Variants in SLC2A13 observed in about 807,000 individuals in gnomAD.
SLC2A13 encodes the protein proton myo-inositol cotransporter.
In SLC2A13, 32 loss-of-function variants were observed where a neutral mutation model predicts 64.4. The ratio of observed to expected loss-of-function variants is 0.50; its 90% confidence interval spans 0.37 to 0.67. The LOEUF (loss-of-function observed/expected upper bound fraction) is 0.67, where lower values mean the gene tolerates loss of function less well. Among genes scored for constraint, SLC2A13 ranks in the 30% least tolerant of loss-of-function variants. SLC2A13 has a pLI of 0.00. For synonymous variants in SLC2A13, 338 were observed against 327.1 expected (o/e 1.03, Z -0.36); for missense variants, 743 against 829.2 (o/e 0.90, Z 1.28).
Position 39,779,572 on chromosome 12 carries a change from T to G in SLC2A13, c.1446-14714A>C, listed in dbSNP as rs1287576123. 7.9e-5 allele frequency among the ~76,000 whole-genome samples: 12 copies of G among 152,200 alleles called. No individual in the cohort carries two copies. The East Asian group carries it at 2.1e-3, about 27-fold the overall frequency. On this transcript the variant is annotated intron_variant, in intron 7 of 9. Transcript: ENST00000280871. The stretch of plus-strand genomic sequence containing the variant: ...TAAATGTAAATGTTAATTAAAAAAA[T>G]TAAAACACTTTTTTTGCTTCCCATT...
chr12:39,955,434 G>A (rs12296462), intron 3 of SLC2A13, among the ~76,000 whole-genome samples: 8,453 of 151,988 alleles, frequency 0.056, 384 homozygotes, highest in African/African-American at 0.12. Flanking sequence ...GTATGCACAC[G>A]CTAAAAGTAT....
At position 39,910,159 on chromosome 12, in the gene SLC2A13, A is replaced by G. The variant is rs555472344; in HGVS notation, c.1035-38198T>C. Among the ~76,000 whole-genome samples, 4 of 152,202 alleles carry G rather than the reference A, an allele frequency of 2.6e-5. No homozygotes were observed. In the South Asian group the frequency reaches 8.3e-4, roughly 32 times the overall value. On this transcript the variant is annotated intron_variant, in intron 4 of 9. Transcript: ENST00000280871. The stretch of plus-strand genomic sequence containing the variant: ...ATGTACAAACACATTTCCATCTTGA[A>G]TAATCAAATGAAGCACAAACACCCT...
intron 3 of SLC2A13, among the ~76,000 whole-genome samples, chr12:39,963,763 A>C (rs1245072745): frequency 6.6e-6 from 1 of 152,222 alleles, no homozygotes; most frequent in Non-Finnish European, 1.5e-5. Flanking sequence ...TTTAAGTTTT[A>C]TATGGATATT....
In SLC2A13 at chr12:39,764,388, T is replaced by A. The variant is rs1592113191; in HGVS notation, c.1720+72A>T. On this transcript the variant is annotated intron_variant, in intron 9 of 9. Coordinates refer to ENST00000280871, the MANE Select transcript of SLC2A13 (RefSeq NM_052885.4). ...ATAACCACATAGTCTCAATCACAAA[T>A]GATATTATAGTGTATCTAAAAATAG... 66 of 1,293,244 alleles carry A rather than the reference T, an allele frequency of 5.1e-5. No individual in the cohort carries two copies. The East Asian group carries it at 1.7e-3, about 34-fold the overall frequency. The allele number at this position is 1,293,244 out of a possible 1,614,324, so 80.1% of individuals were successfully genotyped here.
At chr12:39,925,753 CT>C (rs1012693809) in intron 4 of SLC2A13, among the ~76,000 whole-genome samples, 2 of 152,138 alleles carry the variant, frequency 1.3e-5, no homozygotes, top group Non-Finnish European at 2.9e-5. Flanking sequence ...ATCACTGCCA[CT>C]TTATTTTCAT....
intron 2 of SLC2A13, among the ~76,000 whole-genome samples, chr12:40,041,770 G>A (rs1204024323): frequency 1.3e-5 from 2 of 152,336 alleles, no homozygotes; most frequent in South Asian, 2.1e-4. Context: ...CCCAAGAGGC[G>A]AGAGCCCCAG....
At chr12:39,997,399 G>A (rs1006177553) in intron 3 of SLC2A13, among the ~76,000 whole-genome samples, 19 of 152,046 alleles carry the variant, frequency 1.2e-4, no homozygotes, top group African/African-American at 4.6e-4. Flanking sequence ...GATGGATTAA[G>A]GACTTAAACC....
At chr12:39,839,584 A>T (rs1943125546) in intron 6 of SLC2A13, among the ~76,000 whole-genome samples, 1 of 151,880 alleles carries the variant, frequency 6.6e-6, no homozygotes, top group African/African-American at 2.4e-5. Flanking sequence ...CCTCTTTCCT[A>T]CAATGTTCTC....
chr12:40,068,459 T>C (rs1937822561), intron 1 of SLC2A13: 1 of 247,432 alleles, frequency 4.0e-6, no homozygotes, highest in Non-Finnish European at 8.2e-6. Context: ...GGATGACCAA[T>C]TTTGCTTTTT....
intron 9 of SLC2A13, among the ~76,000 whole-genome samples, chr12:39,760,953 A>ACACACACACACACACACACACACACAC (rs1940113054): frequency 5.9e-5 from 6 of 101,520 alleles, no homozygotes; most frequent in East Asian, 2.8e-4. Flanking sequence ...GTCTCTACCA[A>ACACACACACACACACACACACACACAC]ACACACACAC....
intron 1 of SLC2A13, among the ~76,000 whole-genome samples, chr12:40,073,780 T>C (rs1300255707): frequency 6.6e-6 from 1 of 151,766 alleles, no homozygotes; most frequent in Non-Finnish European, 1.5e-5. Context: ...TAATATATAA[T>C]ATTATTTATT....
chr12:39,909,400 A>G (rs905923347), intron 4 of SLC2A13, among the ~76,000 whole-genome samples: 3 of 150,962 alleles, frequency 2.0e-5, no homozygotes, highest in African/African-American at 2.4e-5. Flanking sequence ...AATAAGGTGG[A>G]AAAAAAAATC....
intron 3 of SLC2A13, among the ~76,000 whole-genome samples, chr12:39,963,541 C>A (rs1565564561): frequency 6.6e-6 from 1 of 152,118 alleles, no homozygotes; most frequent in Non-Finnish European, 1.5e-5. Context: ...ACAGTTCTAT[C>A]AAGTTCAATC....
chr12:40,062,746 T>C (rs922833348), intron 1 of SLC2A13, among the ~76,000 whole-genome samples: 1 of 152,066 alleles, frequency 6.6e-6, no homozygotes, highest in African/African-American at 2.4e-5. Context: ...TAGGAGAAAA[T>C]TTTCCTCAAA....
Position 39,871,791 on chromosome 12 carries a change from C to G in SLC2A13, c.1198+7G>C. The G allele has an allele frequency of 6.3e-7, 1 of 1,589,986 alleles. No homozygotes were observed. The highest frequency in any genetic ancestry group is 8.5e-7 in the Non-Finnish European group (1 of 1,170,358). On this transcript the variant is annotated splice_region_variant and intron_variant, in intron 5 of 9. Coordinates refer to ENST00000280871, the MANE Select transcript of SLC2A13 (RefSeq NM_052885.4). ...TTTATAATTGAATTCTTTATCCAGC[C>G]ACCTACCTGCTAAACTACCAAAGGT...
intron 1 of SLC2A13, among the ~76,000 whole-genome samples, chr12:40,049,207 G>A (rs1232338881): frequency 6.8e-6 from 1 of 147,174 alleles, no homozygotes; most frequent in Non-Finnish European, 1.5e-5. Flanking sequence ...ACTTACCAAA[G>A]CCTCCATAAA....
At chr12:39,850,612 G>T (rs2135893512) in intron 6 of SLC2A13, among the ~76,000 whole-genome samples, 1 of 152,174 alleles carries the variant, frequency 6.6e-6, no homozygotes, top group African/African-American at 2.4e-5. Context: ...TACGGTAATT[G>T]CCAAAAATTT....
At chr12:39,966,024 T>C (rs1444570544) in intron 3 of SLC2A13, among the ~76,000 whole-genome samples, 1 of 151,366 alleles carries the variant, frequency 6.6e-6, no homozygotes, top group Non-Finnish European at 1.5e-5. Flanking sequence ...CATAAGGAGG[T>C]CATTAAAATC....
At chr12:40,074,159 C>T (rs1938073685) in intron 1 of SLC2A13, among the ~76,000 whole-genome samples, 1 of 120,844 alleles carries the variant, frequency 8.3e-6, no homozygotes, top group South Asian at 2.8e-4. Flanking sequence ...TAAAGCCCAT[C>T]AAAGACATTT....
Sources: gnomAD v4.1 joint callset for allele counts (sites outside exome capture counted in the v4.1 genomes callset) on GRCh38, gnomAD v4.1.1 for gene constraint, MANE v1.5 for transcripts, NCBI Gene and HGNC (gene_info 2026-07-23, HGNC 2026-07-21) for gene names.